The following GRID2 variants were observed in gnomAD, a reference collection of about 807,000 sequenced individuals.
The protein encoded by GRID2 is glutamate receptor ionotropic, delta-2.
GRID2 carries 33 observed loss-of-function variants against 114.8 expected under a neutral mutation model. The observed-to-expected ratio is 0.29, with a 90% CI of 0.22 to 0.38. The LOEUF is 0.38. Among genes scored for constraint, GRID2 ranks in the 10% least tolerant of loss-of-function variants. The pLI, the probability that GRID2 is intolerant of heterozygous loss-of-function variation, is 1.00. For missense variants in GRID2, 1,184 were observed against 1,257.7 expected, an observed-to-expected ratio of 0.94 and a Z score of 0.89; for synonymous variants, 505 against 449.9, an observed-to-expected ratio of 1.12 and a Z score of -1.55.
At chr4:92,958,856 C>T (rs189063656) in intron 2 of GRID2, among the ~76,000 whole-genome samples, 1 of 151,932 alleles carries the variant, frequency 6.6e-6, no homozygotes, top group Non-Finnish European at 1.5e-5. Context: ...GGTAAATATT[C>T]ACCTATTCAG....
At chr4:92,541,672 G>A (rs1725966474) in intron 1 of GRID2, among the ~76,000 whole-genome samples, 1 of 151,796 alleles carries the variant, frequency 6.6e-6, no homozygotes, top group African/African-American at 2.4e-5. Context: ...AAAAATAAAA[G>A]AAAATATTGT....
chr4:92,572,636 C>T (rs776045480), intron 1 of GRID2, among the ~76,000 whole-genome samples: 14 of 151,984 alleles, frequency 9.2e-5, no homozygotes, highest in Admixed American at 9.2e-4. Flanking sequence ...AGCCTTGCAT[C>T]CTGGAGATTT....
chr4:93,321,369 A>T (rs960253084), intron 8 of GRID2, among the ~76,000 whole-genome samples: 11 of 152,094 alleles, frequency 7.2e-5, no homozygotes, highest in African/African-American at 2.7e-4. Context: ...TTTACCAAGG[A>T]TCCTATTTTC....
intron 8 of GRID2, among the ~76,000 whole-genome samples, chr4:93,320,167 T>C (rs543349636): frequency 2.6e-5 from 4 of 152,042 alleles, no homozygotes; most frequent in Non-Finnish European, 4.4e-5. Context: ...AATCAATTGT[T>C]AGAAGAAGAC....
intron 2 of GRID2, among the ~76,000 whole-genome samples, chr4:92,617,860 GTGT>G (rs199877203): frequency 2.4e-4 from 37 of 151,450 alleles, no homozygotes; most frequent in African/African-American, 4.3e-4. Context: ...AGACGATTTT[GTGT>G]TGTTGTTGTT....
At chr4:92,621,212 A>AT in intron 2 of GRID2, among the ~76,000 whole-genome samples, 1 of 151,710 alleles carries the variant, frequency 6.6e-6, no homozygotes, top group Admixed American at 6.6e-5. Context: ...TAGAGCTGAG[A>AT]TTTTAACCCC....
In GRID2 at chr4:92,538,502, A is replaced by C. The variant is rs189918390; in HGVS notation, c.89-51629A>C. On this transcript the variant is annotated intron_variant, in intron 1 of 15. Coordinates refer to ENST00000282020, the MANE Select transcript of GRID2 (RefSeq NM_001510.4). The stretch of plus-strand genomic sequence containing the variant: ...GCATTTGCCTATTGAGTCTCATGAG[A>C]AAGTATGACTTGGAGCTCCACAAAG... Among the ~76,000 whole-genome samples the C allele has an allele frequency of 1.7e-3, 263 of 152,312 alleles. 1 individual carries two copies. Among genetic ancestry groups the C allele is most frequent in the African/African-American group, 6.2e-3 (258 of 41,566 alleles).
intron 2 of GRID2, among the ~76,000 whole-genome samples, chr4:93,072,806 T>C (rs1266916451): frequency 1.3e-5 from 2 of 152,190 alleles, no homozygotes; most frequent in Non-Finnish European, 2.9e-5. Flanking sequence ...CTATAAAATT[T>C]ACACAAATCT....
intron 4 of GRID2, among the ~76,000 whole-genome samples, chr4:93,154,465 C>T (rs1347556547): frequency 6.6e-6 from 1 of 151,972 alleles, no homozygotes; most frequent in South Asian, 2.1e-4. Flanking sequence ...TGCTGTCACA[C>T]TAGTGGTTAA....
At chr4:93,248,976 C>T (rs1002696639) in intron 8 of GRID2, among the ~76,000 whole-genome samples, 3 of 152,080 alleles carry the variant, frequency 2.0e-5, no homozygotes, top group South Asian at 4.1e-4. Context: ...GATACTTGTT[C>T]CTTTGTTTTT....
In GRID2 at chr4:93,543,209, A is replaced by G. The variant is rs148143141; in HGVS notation, c.2193+27798A>G. 3.1e-3 allele frequency among the ~76,000 whole-genome samples: 468 copies of G among 152,298 alleles called. 2 individuals are homozygous for G. Among genetic ancestry groups the G allele is most frequent in the African/African-American group, 0.01 (430 of 41,566 alleles). On this transcript the variant is annotated intron_variant, in intron 13 of 15. Transcript: ENST00000282020. ...TGAATTTGGATGCTCTATGTCTGTG[A>G]TTGTAAGCTTTTCAACTCTCAGACA...
At chr4:93,789,230 C>A (rs1734649464) in intron 1 of GRID2, among the ~76,000 whole-genome samples, 1 of 151,970 alleles carries the variant, frequency 6.6e-6, no homozygotes, top group African/African-American at 2.4e-5. Context: ...ATTTTAATTG[C>A]TATATTAAAC....
intron 1 of GRID2, among the ~76,000 whole-genome samples, chr4:92,565,664 G>A (rs893950211): frequency 5.3e-5 from 8 of 151,836 alleles, no homozygotes; most frequent in Admixed American, 1.3e-4. Flanking sequence ...CTAACGCAGC[G>A]GTACAGTTCC....
chr4:92,835,565 T>G (rs1373220888), intron 2 of GRID2, among the ~76,000 whole-genome samples: 4 of 152,128 alleles, frequency 2.6e-5, no homozygotes, highest in African/African-American at 9.7e-5. Context: ...CATGAGGTCC[T>G]GTTGACAAGG....
chr4:93,110,547 C>A (rs954324727), intron 3 of GRID2, among the ~76,000 whole-genome samples: 1 of 152,122 alleles, frequency 6.6e-6, no homozygotes, highest in African/African-American at 2.4e-5. Flanking sequence ...TAAAAAATAA[C>A]AATTCCTACA....
At chr4:92,427,237 G>A (rs1190656062) in intron 1 of GRID2, among the ~76,000 whole-genome samples, 1 of 151,960 alleles carries the variant, frequency 6.6e-6, no homozygotes, top group Non-Finnish European at 1.5e-5. Flanking sequence ...GGCTTTAGTG[G>A]GTTCCAATTA....
chr4:92,822,158 G>T, intron 2 of GRID2: 1 of 368,812 alleles, frequency 2.7e-6, no homozygotes, highest in Non-Finnish European at 5.3e-6. Flanking sequence ...CCCAGATCTT[G>T]ATGCTGAGGC....
chr4:92,337,532 G>A (rs1045964736), intron 1 of GRID2, among the ~76,000 whole-genome samples: 1 of 152,166 alleles, frequency 6.6e-6, no homozygotes, highest in Non-Finnish European at 1.5e-5. Context: ...AGAAATGGCT[G>A]AGACTGGGTC....
chr4:92,510,388 G>A (rs776130131), intron 1 of GRID2, among the ~76,000 whole-genome samples: 2 of 151,902 alleles, frequency 1.3e-5, no homozygotes, highest in Non-Finnish European at 2.9e-5. Context: ...AGACAGCACA[G>A]AGGAGTTTTC....
Sources: gnomAD v4.1 joint callset for allele counts (sites outside exome capture counted in the v4.1 genomes callset) on GRCh38, gnomAD v4.1.1 for gene constraint, MANE v1.5 for transcripts, NCBI Gene and HGNC (gene_info 2026-07-23, HGNC 2026-07-21) for gene names.